BCKDHB: variants seen among roughly 807,000 people sequenced by gnomAD.
BCKDHB encodes 2-oxoisovalerate dehydrogenase subunit beta, mitochondrial.
BCKDHB carries 41 observed loss-of-function variants against 48.5 expected under a neutral mutation model. The observed-to-expected ratio is 0.85, with a 90% CI of 0.66 to 1.10. The LOEUF is 1.10. Among genes scored for constraint, BCKDHB ranks in the 50% least tolerant of loss-of-function variants. The probability of loss-of-function intolerance (pLI) is 0.00; values close to 1 mark genes in which losing one functional copy is unlikely to be tolerated. For missense variants in BCKDHB, 496 were observed against 494.2 expected (o/e 1.00, Z -0.03); for synonymous variants, 201 against 174.8 (o/e 1.15, Z -1.18).
chr6:80,258,609 C>T (rs1005437944), intron 8 of BCKDHB, among the ~76,000 whole-genome samples: 3 of 152,138 alleles, frequency 2.0e-5, no homozygotes, highest in Admixed American at 6.5e-5. Flanking sequence ...CCCCAGGCAC[C>T]GGGAGAGTGA....
At chr6:80,396,615 T>C in the BCKDHB span, among the ~76,000 whole-genome samples, 1 of 152,242 alleles carries the variant, frequency 6.6e-6, no homozygotes, top group African/African-American at 2.4e-5. Flanking sequence ...TTCCCACATT[T>C]CTGAGGGACC....
intron 9 of BCKDHB, among the ~76,000 whole-genome samples, chr6:80,301,049 A>AAAGT (rs1198993551): frequency 1.3e-5 from 2 of 152,168 alleles, no homozygotes; most frequent in African/African-American, 4.8e-5. Flanking sequence ...TGTTAAGAGA[A>AAAGT]AAGTTTATAG....
chr6:80,390,496 A>G, the BCKDHB span, among the ~76,000 whole-genome samples: 1 of 152,226 alleles, frequency 6.6e-6, no homozygotes. Context: ...ATGTTTGTGC[A>G]TGTATACACT....
chr6:80,196,488 A>G (rs1284505154), intron 6 of BCKDHB, among the ~76,000 whole-genome samples: 1 of 152,188 alleles, frequency 6.6e-6, no homozygotes, highest in African/African-American at 2.4e-5. Context: ...GTTGGCTTAT[A>G]AATCTATTTC....
In BCKDHB at chr6:80,164,775, T is replaced by C. The variant is rs149166540; in HGVS notation, c.344-2903T>C. 1.7e-3 allele frequency among the ~76,000 whole-genome samples: 265 copies of C among 152,326 alleles called. 1 individual carries two copies. Among genetic ancestry groups the C allele is most frequent in the African/African-American group, 6.0e-3 (249 of 41,584 alleles). On this transcript the variant is annotated intron_variant, in intron 3 of 9. Transcript: ENST00000320393. The stretch of plus-strand genomic sequence containing the variant: ...TTAAACCCAGGTCTTTCTTGGCTCA[T>C]AGTGCAGTCACTCATGTATTTTTTC...
chr6:80,235,148 TAGA>T (rs2127898132), intron 8 of BCKDHB, among the ~76,000 whole-genome samples: 1 of 152,206 alleles, frequency 6.6e-6, no homozygotes, highest in African/African-American at 2.4e-5. Flanking sequence ...TCAAAATAGC[TAGA>T]AGATCTACAA....
chr6:80,246,811 C>G (rs933481934), intron 8 of BCKDHB, among the ~76,000 whole-genome samples: 2 of 151,938 alleles, frequency 1.3e-5, no homozygotes, highest in Admixed American at 6.6e-5. Context: ...CTGTCCAGCC[C>G]CATGCTGACA....
chr6:80,241,239 A>G (rs570378807), intron 8 of BCKDHB, among the ~76,000 whole-genome samples: 1 of 152,152 alleles, frequency 6.6e-6, no homozygotes, highest in South Asian at 2.1e-4. Context: ...GATCTTCTGA[A>G]GCCTACTTCT....
the BCKDHB span, among the ~76,000 whole-genome samples, chr6:80,365,563 C>G: frequency 2.0e-5 from 3 of 152,116 alleles, no homozygotes; most frequent in African/African-American, 7.2e-5. Context: ...ACCCCTCAGG[C>G]AGTCAGACCT....
Position 80,155,244 on chromosome 6 carries a change from A to T in BCKDHB, c.344-12434A>T, listed in dbSNP as rs1406450329. 2.0e-5 allele frequency among the ~76,000 whole-genome samples: 3 copies of T among 152,252 alleles called. No individual in the cohort carries two copies. The East Asian group carries it at 5.8e-4, about 29-fold the overall frequency. On this transcript the variant is annotated intron_variant, in intron 3 of 9. Coordinates refer to ENST00000320393, the MANE Select transcript of BCKDHB (RefSeq NM_183050.4). ...TGCATAGGTTTTTGGAGAACATATGATGGAATTTTAGGACATTGTCCTCAA... is the reference window on the plus strand; with the variant it reads ...TGCATAGGTTTTTGGAGAACATATGTTGGAATTTTAGGACATTGTCCTCAA...
intron 9 of BCKDHB, among the ~76,000 whole-genome samples, chr6:80,275,822 A>G (rs3805896): frequency 0.11 from 16,547 of 151,940 alleles, 1,121 homozygotes; most frequent in South Asian, 0.25. Context: ...GTTCCATATT[A>G]TAAGTGAAAC....
At chr6:80,316,314 T>C (rs1240880907) in intron 9 of BCKDHB, among the ~76,000 whole-genome samples, 2 of 152,230 alleles carry the variant, frequency 1.3e-5, no homozygotes, top group African/African-American at 4.8e-5. Context: ...TGTTTGCGTA[T>C]GAAAAGTAAT....
chr6:80,166,584 A>T (rs1772580648), intron 3 of BCKDHB, among the ~76,000 whole-genome samples: 1 of 151,648 alleles, frequency 6.6e-6, no homozygotes, highest in Admixed American at 6.6e-5. Context: ...TGAACTCAGG[A>T]GTCAGAGGTT....
intron 9 of BCKDHB, among the ~76,000 whole-genome samples, chr6:80,284,611 G>A (rs1346637588): frequency 6.6e-6 from 1 of 152,082 alleles, no homozygotes; most frequent in Non-Finnish European, 1.5e-5. Context: ...GGCACAAAGA[G>A]TCTATTTGTC....
At chr6:80,242,314 G>C (rs965303209) in intron 8 of BCKDHB, among the ~76,000 whole-genome samples, 2 of 152,054 alleles carry the variant, frequency 1.3e-5, no homozygotes, top group Admixed American at 6.6e-5. Flanking sequence ...ATGTACACGT[G>C]GATTTGTTCA....
At chr6:80,416,844 T>C in the BCKDHB span, among the ~76,000 whole-genome samples, 1 of 151,692 alleles carries the variant, frequency 6.6e-6, no homozygotes, top group Non-Finnish European at 1.5e-5. Flanking sequence ...CTTTTTTTGT[T>C]TGTCTGGTGG....
intron 4 of BCKDHB, 103 bp downstream of exon 4, chr6:80,167,914 C>T (rs1416237682): frequency 8.7e-7 from 1 of 1,153,008 alleles, no homozygotes; most frequent in East Asian, 2.6e-5. Context: ...ATTTTATTAT[C>T]CTTTTACTAA....
At chr6:80,154,135 A>T (rs1771924034) in intron 3 of BCKDHB, among the ~76,000 whole-genome samples, 1 of 152,182 alleles carries the variant, frequency 6.6e-6, no homozygotes. Flanking sequence ...GCCCAAAAGA[A>T]TTCCCCTCTC....
intron 8 of BCKDHB, among the ~76,000 whole-genome samples, chr6:80,249,695 T>C (rs1336648172): frequency 6.6e-6 from 1 of 152,202 alleles, no homozygotes; most frequent in Non-Finnish European, 1.5e-5. Flanking sequence ...GCGGTGAACA[T>C]GAATTTTGTA....
Sources: allele counts gnomAD v4.1 joint callset (sites outside exome capture counted in the v4.1 genomes callset), GRCh38; gene constraint gnomAD v4.1.1; transcripts MANE v1.5; gene names NCBI Gene and HGNC (gene_info 2026-07-23, HGNC 2026-07-21).